The following ADAMTS10 variants were observed in gnomAD, a reference collection of about 807,000 sequenced individuals.
ADAMTS10 encodes A disintegrin and metalloproteinase with thrombospondin motifs 10.
In ADAMTS10, 48 loss-of-function variants were observed where a neutral mutation model predicts 135.9. The observed-to-expected ratio is 0.35, with a 90% CI of 0.28 to 0.45. The LOEUF is 0.45. ADAMTS10 is among the 20% of genes least tolerant of loss of function. ADAMTS10 has a pLI of 1.00. For missense variants in ADAMTS10, 1,131 were observed against 1,565.2 expected (o/e 0.72, Z 4.68); for synonymous variants, 621 against 647.5 (o/e 0.96, Z 0.62).
At position 8,605,824 on chromosome 19, in the gene ADAMTS10, C is replaced by T; in HGVS notation, c.-99-15G>A. 2.7e-6 allele frequency: 4 copies of T among 1,506,274 alleles called. No homozygotes were observed. The highest frequency in any genetic ancestry group is 3.5e-6 in the Non-Finnish European group (4 of 1,130,078). The allele number at this position is 1,506,274 out of a possible 1,614,324, so 93.3% of individuals were successfully genotyped here. The stretch of plus-strand genomic sequence containing the variant: ...TCACCGGGCTCCTGGGAGGGGGGAG[C>T]CAGGTAAGGGGGCGCCTGGTCCCGC... On this transcript the variant is annotated splice_polypyrimidine_tract_variant and intron_variant, in intron 2 of 25. Coordinates refer to ENST00000597188, the MANE Select transcript of ADAMTS10 (RefSeq NM_030957.4). This position sits in a 1 kb window ranked among gnomAD's most constrained non-coding sequence, Gnocchi z 7.7.
chr19:8,592,433 A>G (rs1487723373), intron 13 of ADAMTS10, among the ~76,000 whole-genome samples: 1 of 150,490 alleles, frequency 6.6e-6, no homozygotes, highest in African/African-American at 2.4e-5. Context: ...AGCCGAGGGC[A>G]GCACAGGGGA....
Position 8,597,278 on chromosome 19 carries a change from C to T in ADAMTS10, c.850G>A (p.Val284Ile), listed in dbSNP as rs782526067. 11 of 1,613,998 alleles carry T rather than the reference C, an allele frequency of 6.8e-6. No homozygotes were observed. Among genetic ancestry groups the T allele is most frequent in the South Asian group, 4.4e-5 (4 of 91,074 alleles). Reference protein sequence around the residue: ...LFQDSSLGSTVNILVTRLILL... With the variant: ...LFQDSSLGSTINILVTRLILL... ...ATGAGGCGAGTTACGAGGATGTTAA[C>T]GGTGCTTCCCAGACTCGAGTCCTGG... is the stretch of plus-strand genomic sequence containing the variant. The change falls in exon 7 of 26, where the codon GTT becomes ATT. Residue 284 changes from valine (V) to isoleucine (I), a missense_variant. This residue lies in a region of ADAMTS10 where 80 missense variants were observed against 164.4 expected (regional missense o/e 0.49). Coordinates refer to ENST00000597188, the MANE Select transcript of ADAMTS10 (RefSeq NM_030957.4).
intron 15 of ADAMTS10, 95 bp from the exon 16 acceptor site, chr19:8,590,086 G>A (rs782614008): frequency 4.4e-6 from 4 of 902,554 alleles, no homozygotes; most frequent in South Asian, 4.0e-5. Context: ...GAGGAGGGAG[G>A]CTAGAGGCAG....
Position 8,596,870 on chromosome 19 carries a change from G to T in ADAMTS10, c.1040+117C>A. 1 of 1,531,258 alleles carries T rather than the reference G, an allele frequency of 6.5e-7. No homozygotes were observed. The highest frequency in any genetic ancestry group is 8.9e-7 in the Non-Finnish European group (1 of 1,126,040). 94.9% of individuals were successfully genotyped at this position (1,531,258 alleles called of 1,614,324 possible). A position where few individuals can be genotyped will look rare whatever the true frequency, so the allele number is the denominator to read the frequency against. ...CCCATCCCTGGCTCCCTCATGGGCAGCCCAAACTTCTCTGCTCCTCCTGAC... is the reference window on the plus strand; with the variant it reads ...CCCATCCCTGGCTCCCTCATGGGCATCCCAAACTTCTCTGCTCCTCCTGAC... On this transcript the variant is annotated intron_variant, in intron 8 of 25. Coordinates refer to ENST00000597188, the MANE Select transcript of ADAMTS10 (RefSeq NM_030957.4). This position sits in a 1 kb window ranked among gnomAD's most constrained non-coding sequence, Gnocchi z 7.2.
rs1310625377 is a variant in ADAMTS10, at chr19:8,596,641, G to A, written c.1041-56C>T. 2 of 1,595,766 alleles carry A rather than the reference G, an allele frequency of 1.3e-6. No individual in the cohort carries two copies. Among genetic ancestry groups the A allele is most frequent in the Non-Finnish European group, 1.7e-6 (2 of 1,168,920 alleles). ...CTGGGCTGTCTCCCTAAGCCCTGCT[G>A]ATGCCACCATGCCCAGCTCTGGGGG... On this transcript the variant is annotated intron_variant, in intron 8 of 25. Coordinates refer to ENST00000597188, the MANE Select transcript of ADAMTS10 (RefSeq NM_030957.4). This position sits in a 1 kb window ranked among gnomAD's most constrained non-coding sequence, Gnocchi z 7.2.
chr19:8,600,968 C>T lies in ADAMTS10; in HGVS notation c.770G>A (p.Arg257His). The change falls in exon 6 of 26, where the codon CGC becomes CAC. Residue 257 changes from arginine (R) to histidine (H), a missense_variant. Arg to His is a conservative substitution (Grantham distance 29, BLOSUM62 0). Around this residue, in one of 3 missense-constraint regions of ADAMTS10, gnomAD observed 80 missense variants for 164.4 expected, o/e 0.49. Transcript: ENST00000597188. ...ADKMMVAYHG[R>H]RDVEQYVLAI... The stretch of plus-strand genomic sequence containing the variant: ...CAGGACATACTGCTCCACATCCCGG[C>T]GCCCGTGATAGGCCACCATCATCTT... 2 of 1,614,148 alleles carry T rather than the reference C, an allele frequency of 1.2e-6. No homozygotes were observed. Among genetic ancestry groups the T allele is most frequent in the Non-Finnish European group, 1.7e-6 (2 of 1,180,044 alleles).
intron 1 of ADAMTS10, among the ~76,000 whole-genome samples, chr19:8,610,206 C>G (rs1555743245): frequency 6.6e-6 from 1 of 151,938 alleles, no homozygotes; most frequent in Admixed American, 6.6e-5. Context: ...CACACACACA[C>G]AGGTATTTAC....
Position 8,605,426 on chromosome 19 carries a change from G to A in ADAMTS10, c.89-68C>T. On this transcript the variant is annotated intron_variant, in intron 3 of 25. Transcript: ENST00000597188. The surrounding 1 kb of genome is among the most constrained non-coding windows in gnomAD (Gnocchi z 7.7). ...TTGGACCCCTGTGTCCTGGCTGTTA[G>A]GCTGCTGGAGCAAGTGATGCTGGCC... is the stretch of plus-strand genomic sequence containing the variant. 1 of 1,511,142 alleles carries A rather than the reference G, an allele frequency of 6.6e-7. No individual in the cohort carries two copies. Among genetic ancestry groups the A allele is most frequent in the Non-Finnish European group, 9.0e-7 (1 of 1,112,878 alleles). 93.6% of individuals were successfully genotyped at this position (1,511,142 alleles called of 1,614,324 possible).
chr19:8,591,763 C>T, intron 15 of ADAMTS10, 37 bp downstream of exon 15: 1 of 1,611,448 alleles, frequency 6.2e-7, no homozygotes, highest in Non-Finnish European at 8.5e-7. Flanking sequence ...TTTAATGCTT[C>T]CTCCCCCCAC....
At chr19:8,603,348 C>T (rs568106857) in intron 5 of ADAMTS10, among the ~76,000 whole-genome samples, 17 of 152,272 alleles carry the variant, frequency 1.1e-4, no homozygotes, top group African/African-American at 4.1e-4. Context: ...GATCTCTGCT[C>T]ACTGCAACCT....
intron 1 of ADAMTS10, among the ~76,000 whole-genome samples, chr19:8,609,628 G>A (rs2042759401): frequency 6.6e-6 from 1 of 152,060 alleles, no homozygotes; most frequent in Non-Finnish European, 1.5e-5. Flanking sequence ...CCTGCGGGAG[G>A]AGGGGGCCGG....
chr19:8,608,915 AG>A (rs1249415803), intron 1 of ADAMTS10, among the ~76,000 whole-genome samples: 14 of 125,098 alleles, frequency 1.1e-4, no homozygotes, highest in South Asian at 8.0e-4. Context: ...TAGGGGGAGG[AG>A]GGGGGTCTGC....
intron 13 of ADAMTS10, 75 bp downstream of exon 13, chr19:8,592,688 A>T: frequency 7.1e-7 from 1 of 1,408,114 alleles, no homozygotes; most frequent in Non-Finnish European, 9.8e-7. Flanking sequence ...GCCGAAGGAC[A>T]GGCGGGTAGG....
chr19:8,589,005 T>C (rs1480571146), intron 18 of ADAMTS10, among the ~76,000 whole-genome samples: 1 of 152,172 alleles, frequency 6.6e-6, no homozygotes, highest in Non-Finnish European at 1.5e-5. Context: ...TTGGCCAGGC[T>C]GGTCTCAAAC....
Position 8,597,032 on chromosome 19 carries a change from G to A in ADAMTS10, c.995C>T (p.Pro332Leu), listed in dbSNP as rs1555740406. The A allele has an allele frequency of 6.2e-7, 1 of 1,614,128 alleles. No individual in the cohort carries two copies. Among genetic ancestry groups the A allele is most frequent in the Non-Finnish European group, 8.5e-7 (1 of 1,180,034 alleles). ...GTCATGGTTAGCCACACCGTTCTCT[G>A]GAATGGCATTGCCATGGCCGCTGTG... ...VNHSGHGNAI[P>L]ENGVANHDTA... The change falls in exon 8 of 26, where the codon CCA becomes CTA. Residue 332 changes from proline (P) to leucine (L), a missense_variant. By Grantham distance (98) the Pro-to-Leu change is moderately conservative (BLOSUM62 -3). Transcript: ENST00000597188.
rs1279364517 is a variant in ADAMTS10 at position 8,605,970 on chromosome 19, C to T, written c.-99-161G>A. ...CTCCCCACCTCCCCTTCCAATCCTTCCTACACTCCTACAAGAGGACAGACA... is the reference window on the plus strand; with the variant it reads ...CTCCCCACCTCCCCTTCCAATCCTTTCTACACTCCTACAAGAGGACAGACA... On this transcript the variant is annotated intron_variant, in intron 2 of 25. Transcript: ENST00000597188. This position sits in a 1 kb window ranked among gnomAD's most constrained non-coding sequence, Gnocchi z 7.7. 6.6e-6 allele frequency among the ~76,000 whole-genome samples: 1 copy of T among 152,232 alleles called. No homozygotes were observed. The highest frequency in any genetic ancestry group is 1.9e-4 in the East Asian group (1 of 5,200).
chr19:8,608,594 C>G (rs902086123), intron 1 of ADAMTS10, among the ~76,000 whole-genome samples: 1 of 152,072 alleles, frequency 6.6e-6, no homozygotes, highest in Non-Finnish European at 1.5e-5. Flanking sequence ...AGGGACCTCA[C>G]CCCTTTCTCC....
chr19:8,610,403 C>T (rs924531008), intron 1 of ADAMTS10, among the ~76,000 whole-genome samples: 11 of 141,406 alleles, frequency 7.8e-5, no homozygotes, highest in Non-Finnish European at 1.5e-4. Context: ...TGCACAACCA[C>T]TCTGCCCCTA....
rs894901170 is a variant in ADAMTS10, at chr19:8,605,847, C to G, written c.-99-38G>C. ...AGCCAGGTAAGGGGGCGCCTGGTCC[C>G]GCTGTCCAGCACAACCAATGCCAAG... On this transcript the variant is annotated intron_variant, in intron 2 of 25. Transcript: ENST00000597188. The surrounding 1 kb of genome is among the most constrained non-coding windows in gnomAD (Gnocchi z 7.7). The G allele has an allele frequency of 1.4e-6, 2 of 1,472,926 alleles. No homozygotes were observed. Among genetic ancestry groups the G allele is most frequent in the South Asian group, 2.7e-5 (2 of 75,300 alleles). The allele number at this position is 1,472,926 out of a possible 1,614,324, so 91.2% of individuals were successfully genotyped here.
Sources: gnomAD v4.1 joint callset for allele counts (sites outside exome capture counted in the v4.1 genomes callset) on GRCh38, gnomAD v4.1.1 for gene constraint, gnomAD v4.1.1 regional missense constraint, Gnocchi (gnomAD v3.1) non-coding constraint, MANE v1.5 for transcripts, NCBI Gene and HGNC (gene_info 2026-07-23, HGNC 2026-07-21) for gene names.